Variants in CD8A observed in about 807,000 individuals in gnomAD.
CD8A encodes CD8 subunit alpha, also known as T-cell surface glycoprotein CD8 alpha chain.
Under a neutral mutation model 24.2 loss-of-function variants are expected in CD8A, and 25 were observed. That is an observed-to-expected ratio of 1.03 (90% CI 0.75 to 1.44). The LOEUF is 1.44. Among genes scored for constraint, CD8A ranks in the 40% most tolerant of loss-of-function variants. The probability of loss-of-function intolerance (pLI) is 0.00; values close to 1 mark genes in which losing one functional copy is unlikely to be tolerated. For missense variants in CD8A, 360 were observed against 319.7 expected, an observed-to-expected ratio of 1.13 and a Z score of -0.96; for synonymous variants, 165 against 149.9, an observed-to-expected ratio of 1.10 and a Z score of -0.74.
intron 5 of CD8A, among the ~76,000 whole-genome samples, chr2:86,786,360 C>CGGAGGATGACAGGGAGAGA: frequency 6.6e-6 from 1 of 152,174 alleles, no homozygotes; most frequent in Non-Finnish European, 1.5e-5. Flanking sequence ...TTCTCAGCCC[C>CGGAGGATGACAGGGAGAGA]GGAGGATGAC....
chr2:86,787,868 G>A (rs545582775), intron 5 of CD8A, among the ~76,000 whole-genome samples: 9 of 143,496 alleles, frequency 6.3e-5, no homozygotes, highest in African/African-American at 2.3e-4. Context: ...GGTGGAGAGA[G>A]GTTTTTAACA....
At chr2:86,798,140 A>T (rs1026668396) in intron 3 of CD8A, among the ~76,000 whole-genome samples, 1 of 151,360 alleles carries the variant, frequency 6.6e-6, no homozygotes, top group Non-Finnish European at 1.5e-5. Flanking sequence ...CTTTGTTGTG[A>T]AGTCTACCTT....
At chr2:86,791,183 C>G, upstream of CD8A, 2 of 498,374 alleles carry the variant, frequency 4.0e-6, no homozygotes. Context: ...TGAAGGGAGA[C>G]CAAAGATTTC....
At chr2:86,787,019 C>CACA (rs1673038047) in intron 5 of CD8A, among the ~76,000 whole-genome samples, 1 of 36,562 alleles carries the variant, frequency 2.7e-5, no homozygotes, top group Non-Finnish European at 4.6e-5. Context: ...GACTCCGTCT[C>CACA]AAAAAAAAAA....
chr2:86,799,981 T>C (rs1261959729), intron 3 of CD8A, among the ~76,000 whole-genome samples: 3 of 151,818 alleles, frequency 2.0e-5, no homozygotes, highest in Non-Finnish European at 2.9e-5. Context: ...AGTTGTTAAT[T>C]GGTTTGACAT....
chr2:86,791,838 TC>T (rs1310401578), upstream of CD8A: 1 of 361,046 alleles, frequency 2.8e-6, no homozygotes, highest in Non-Finnish European at 5.5e-6. Flanking sequence ...GCACTTGCGG[TC>T]CCTCGGCCTG....
In CD8A at chr2:86,790,310, G is replaced by C; in HGVS notation, c.403+18C>G. 2 of 1,587,792 alleles carry C rather than the reference G, an allele frequency of 1.3e-6. No homozygotes were observed. The highest frequency in any genetic ancestry group is 1.1e-5 in the South Asian group (1 of 90,482). ...CCCAAGCCCCACGCGGAGAGGTGCC[G>C]CAACCCGGCGCGCGGACCTGGCAGG... is the stretch of plus-strand genomic sequence containing the variant. On this transcript the variant is annotated intron_variant, in intron 2 of 5. Coordinates refer to ENST00000283635, the MANE Select transcript of CD8A (RefSeq NM_001768.7).
Position 86,785,925 on chromosome 2 carries a change from C to T in CD8A, c.703G>A (p.Val235Ile). 3.1e-6 allele frequency: 5 copies of T among 1,611,882 alleles called. No homozygotes were observed. The highest frequency in any genetic ancestry group is 1.3e-5 in the African/African-American group (1 of 74,998). ...GDKPSLSARY[V>I] ...GTAGTGGCTGTTGCACAGGGTTAGACGTATCTCGCCGAAAGGCTGGGCTTG... is the reference window on the plus strand; with the variant it reads ...GTAGTGGCTGTTGCACAGGGTTAGATGTATCTCGCCGAAAGGCTGGGCTTG... The change falls in exon 6 of 6, where the codon GTC becomes ATC. Residue 235 changes from valine to isoleucine, a missense_variant. Transcript: ENST00000283635.
At chr2:86,787,898 A>AGAGAGAGAGAGTGTGTGTGTGTGT (rs369993109) in intron 5 of CD8A, among the ~76,000 whole-genome samples, 63 of 144,598 alleles carry the variant, frequency 4.4e-4, no homozygotes, top group African/African-American at 1.5e-3. Flanking sequence ...AGAGAGAGAG[A>AGAGAGAGAGAGTGTGTGTGTGTGT]GTGTGTGTGT....
At chr2:86,790,720 G>GCGCCCCC (rs747917576) in intron 1 of CD8A, 39 bp from the exon 2 acceptor site, 33,333 of 1,515,652 alleles carry the variant, frequency 0.022, 530 homozygotes, top group African/African-American at 0.077. Flanking sequence ...CCGCAGTCCC[G>GCGCCCCC]CGCCCCCCGC....
intron 2 of CD8A, among the ~76,000 whole-genome samples, chr2:86,803,162 T>C (rs1673729807): frequency 6.6e-6 from 1 of 152,232 alleles, no homozygotes; most frequent in African/African-American, 2.4e-5. Context: ...ACATTCATTT[T>C]ATAACAGCAT....
rs753269191 is a variant in CD8A at position 86,784,837 on chromosome 2, C to T, written c.*1083G>A. 1.1e-5 allele frequency: 5 copies of T among 453,962 alleles called. No individual in the cohort carries two copies. The highest frequency in any genetic ancestry group is 2.3e-5 in the Admixed American group (1 of 42,560). The allele number at this position is 453,962 out of a possible 1,614,324, so 28.1% of individuals were successfully genotyped here. A position where few individuals can be genotyped will look rare whatever the true frequency, so the allele number is the denominator to read the frequency against. ...AAGTTTTTTCTCTCCAATGGGCAGG[C>T]ATTGCTTGTACCATACCTTAAGCAA... is the stretch of plus-strand genomic sequence containing the variant. On this transcript the variant is annotated 3_prime_UTR_variant, in exon 6 of 6. Transcript: ENST00000283635.
Position 86,785,783 on chromosome 2 carries a change from C to T in CD8A, c.*137G>A. On this transcript the variant is annotated 3_prime_UTR_variant, in exon 6 of 6. Transcript: ENST00000283635. ...ACACATAAAGAAAAAGTAATCTTTC[C>T]CACCCCGCCCCCACTAAAATAATAA... The T allele has an allele frequency of 1.2e-6, 1 of 804,592 alleles. No individual in the cohort carries two copies. Among genetic ancestry groups the T allele is most frequent in the Non-Finnish European group, 2.3e-6 (1 of 440,968 alleles). 49.8% of individuals were successfully genotyped at this position (804,592 alleles called of 1,614,324 possible).
chr2:86,797,769 C>G (rs1673528618), intron 3 of CD8A, among the ~76,000 whole-genome samples: 1 of 152,136 alleles, frequency 6.6e-6, no homozygotes, highest in Non-Finnish European at 1.5e-5. Context: ...TAAGTGTTAG[C>G]ATTTTGTCGC....
chr2:86,794,093 G>T (rs561182599), upstream of CD8A, among the ~76,000 whole-genome samples: 1 of 152,186 alleles, frequency 6.6e-6, no homozygotes, highest in Non-Finnish European at 1.5e-5. Flanking sequence ...AGAGGGCTGG[G>T]TTGGGCCTGT....
intron 4 of CD8A, 121 bp from the exon 5 acceptor site, chr2:86,788,681 A>C: frequency 1.2e-6 from 1 of 867,286 alleles, no homozygotes; most frequent in Non-Finnish European, 1.9e-6. Flanking sequence ...ACAAAAAATC[A>C]TTTCAGAACG....
At chr2:86,788,672 C>CA (rs1190821494) in intron 4 of CD8A, 112 bp from the exon 5 acceptor site, 4 of 971,176 alleles carry the variant, frequency 4.1e-6, no homozygotes, top group African/African-American at 1.6e-5. Context: ...TTTGGTTTTA[C>CA]AAAAAATCAT....
rs1277197922 is a variant in CD8A at position 86,790,485 on chromosome 2, C to G, written c.246G>C (p.Glu82Asp). 7 of 1,614,036 alleles carry G rather than the reference C, an allele frequency of 4.3e-6. No homozygotes were observed. The East Asian group carries it at 1.3e-4, about 31-fold the overall frequency. Reference protein sequence around the residue: ...YLSQNKPKAAEGLDTQRFSGK... With the variant: ...YLSQNKPKAADGLDTQRFSGK... ...CCGAGAACCGCTGGGTGTCCAGCCC[C>G]TCGGCCGCCTTGGGCTTGTTTTGGG... Residue 82 changes from glutamate (E) to aspartate (D), a missense_variant, in exon 2 of 6, where the codon GAG (glutamate) becomes GAC (aspartate). Glu to Asp is a conservative substitution (Grantham distance 45). Coordinates refer to ENST00000283635, the MANE Select transcript of CD8A (RefSeq NM_001768.7).
intron 5 of CD8A, 21 bp downstream of exon 5, chr2:86,788,509 C>G: frequency 7.8e-7 from 1 of 1,282,082 alleles, no homozygotes; most frequent in Non-Finnish European, 1.1e-6. Flanking sequence ...GGTGAGCAGG[C>G]TGAGTTCAAA....
Sources: gnomAD v4.1 joint callset for allele counts (sites outside exome capture counted in the v4.1 genomes callset) on GRCh38, gnomAD v4.1.1 for gene constraint, MANE v1.5 for transcripts, NCBI Gene and HGNC (gene_info 2026-07-23, HGNC 2026-07-21) for gene names.